ZCCHC7: variants seen among roughly 807,000 people sequenced by gnomAD.
ZCCHC7 encodes the protein zinc finger CCHC domain-containing protein 7.
In ZCCHC7, 35 loss-of-function variants were observed where a neutral mutation model predicts 52.0. The ratio of observed to expected loss-of-function variants is 0.67; its 90% CI spans 0.51 to 0.89. The LOEUF (loss-of-function observed/expected upper bound fraction) is 0.89, where lower values mean the gene tolerates loss of function less well. Ranked by LOEUF, ZCCHC7 falls within the 40% of genes least tolerant of loss-of-function variation. The pLI is 0.00. For missense variants in ZCCHC7, 574 were observed against 649.1 expected, an observed-to-expected ratio of 0.88 and a Z score of 1.26; for synonymous variants, 217 against 221.5, an observed-to-expected ratio of 0.98 and a Z score of 0.18.
chr9:37,291,340 T>TG (rs1554725030), intron 2 of ZCCHC7, among the ~76,000 whole-genome samples: 7 of 151,830 alleles, frequency 4.6e-5, no homozygotes, highest in African/African-American at 1.7e-4. Context: ...CAAGAACTGA[T>TG]AAGTGAATGA....
At chr9:37,227,462 A>G (rs1825172077) in intron 2 of ZCCHC7, among the ~76,000 whole-genome samples, 1 of 152,220 alleles carries the variant, frequency 6.6e-6, no homozygotes, top group Non-Finnish European at 1.5e-5. Flanking sequence ...CATTTCAAAT[A>G]TATGGAGAAT....
At chr9:37,336,941 T>G (rs1830693209) in intron 6 of ZCCHC7, among the ~76,000 whole-genome samples, 1 of 152,078 alleles carries the variant, frequency 6.6e-6, no homozygotes, top group African/African-American at 2.4e-5. Context: ...GTCCAAACAG[T>G]GGTAAGATAC....
At chr9:37,344,472 A>G (rs55746776) in intron 6 of ZCCHC7, among the ~76,000 whole-genome samples, 6,939 of 152,014 alleles carry the variant, frequency 0.046, 505 homozygotes, top group African/African-American at 0.15. Flanking sequence ...TCCACTTCCA[A>G]ATTTACAGGT....
intron 2 of ZCCHC7, among the ~76,000 whole-genome samples, chr9:37,246,100 GCAAGAT>G (rs1826069375): frequency 6.6e-6 from 1 of 152,102 alleles, no homozygotes; most frequent in Non-Finnish European, 1.5e-5. Context: ...GCAGATGATG[GCAAGAT>G]CAAACTTAAA....
chr9:37,148,202 T>C (rs1368946172), intron 2 of ZCCHC7, among the ~76,000 whole-genome samples: 1 of 152,118 alleles, frequency 6.6e-6, no homozygotes. Flanking sequence ...TATGTATTCA[T>C]TTAGCCAACA....
intron 6 of ZCCHC7, among the ~76,000 whole-genome samples, chr9:37,334,643 T>C (rs1308209112): frequency 1.3e-5 from 2 of 152,018 alleles, no homozygotes; most frequent in Non-Finnish European, 2.9e-5. Context: ...TTGATCCCTA[T>C]ATATCAGAAA....
chr9:37,163,385 CAAAAAAAA>C (rs1022187626), intron 2 of ZCCHC7, among the ~76,000 whole-genome samples: 2 of 77,172 alleles, frequency 2.6e-5, no homozygotes, highest in African/African-American at 4.4e-5. Flanking sequence ...GACTCCATCT[CAAAAAAAA>C]AAAAAAAAAA....
chr9:37,124,879 GTCTGC>G (rs1266180513), intron 1 of ZCCHC7, among the ~76,000 whole-genome samples: 3 of 152,124 alleles, frequency 2.0e-5, no homozygotes, highest in Admixed American at 1.3e-4. Flanking sequence ...TTTTTAGACA[GTCTGC>G]TCTGTTGCCC....
chr9:37,338,615 A>C (rs1830791898), intron 6 of ZCCHC7, among the ~76,000 whole-genome samples: 1 of 152,198 alleles, frequency 6.6e-6, no homozygotes, highest in African/African-American at 2.4e-5. Context: ...TCTGCAGTTC[A>C]AATGAACACT....
intron 5 of ZCCHC7, among the ~76,000 whole-genome samples, chr9:37,321,239 C>T (rs1443880173): frequency 6.6e-6 from 1 of 152,088 alleles, no homozygotes; most frequent in East Asian, 1.9e-4. Context: ...CCACCCACCT[C>T]GGCCTCCCAA....
intron 2 of ZCCHC7, among the ~76,000 whole-genome samples, chr9:37,250,198 C>G (rs932638352): frequency 2.2e-4 from 33 of 152,222 alleles, no homozygotes; most frequent in African/African-American, 6.3e-4. Context: ...TATGTGGCCT[C>G]TCTCCTGGGA....
At chr9:37,179,249 G>A (rs936983445) in intron 2 of ZCCHC7, among the ~76,000 whole-genome samples, 5 of 151,928 alleles carry the variant, frequency 3.3e-5, no homozygotes, top group African/African-American at 1.2e-4. Context: ...AAATATGATC[G>A]ATTTATAAGT....
At chr9:37,172,406 T>G (rs759107144) in intron 2 of ZCCHC7, among the ~76,000 whole-genome samples, 9 of 152,200 alleles carry the variant, frequency 5.9e-5, no homozygotes, top group Non-Finnish European at 1.3e-4. Context: ...AACATTCACT[T>G]TCCCCCCATT....
chr9:37,193,558 GC>G (rs1303741286), intron 2 of ZCCHC7, among the ~76,000 whole-genome samples: 1 of 151,618 alleles, frequency 6.6e-6, no homozygotes, highest in Non-Finnish European at 1.5e-5. Context: ...GATGTAAGTT[GC>G]CTGCCACTGT....
chr9:37,310,036 G>A (rs547133251), intron 5 of ZCCHC7, among the ~76,000 whole-genome samples: 146 of 152,168 alleles, frequency 9.6e-4, no homozygotes, highest in African/African-American at 3.4e-3. Context: ...AAGAGAATTT[G>A]TAGTGAAAAC....
rs1019241851 is a variant in ZCCHC7 at position 37,318,773 on chromosome 9, C to T, written c.952-9026C>T. 2.0e-5 allele frequency among the ~76,000 whole-genome samples: 3 copies of T among 151,274 alleles called. No homozygotes were observed. In the East Asian group the frequency reaches 5.9e-4, roughly 30 times the overall value. On this transcript the variant is annotated intron_variant, in intron 5 of 8. Transcript: ENST00000336755. ...CCTAAAAATACAAAAATTAGCCAGG[C>T]GTGGCAGCGCACACCTATAATCCCT...
chr9:37,134,385 A>G (rs1842916537), intron 2 of ZCCHC7, among the ~76,000 whole-genome samples: 1 of 152,218 alleles, frequency 6.6e-6, no homozygotes, highest in Admixed American at 6.5e-5. Flanking sequence ...AGTTAGATCT[A>G]GAAGCTTGAT....
At chr9:37,180,992 C>T (rs577418670) in intron 2 of ZCCHC7, among the ~76,000 whole-genome samples, 7 of 152,084 alleles carry the variant, frequency 4.6e-5, no homozygotes, top group African/African-American at 1.7e-4. Flanking sequence ...AAGTTTTTGC[C>T]ATAGTGCTTA....
chr9:37,322,583 A>G (rs1214752796), intron 5 of ZCCHC7, among the ~76,000 whole-genome samples: 1 of 127,380 alleles, frequency 7.9e-6, no homozygotes, highest in Non-Finnish European at 1.7e-5. Context: ...CATCAGGATT[A>G]TCTGATCCAG....
Sources: gnomAD v4.1 joint callset for allele counts (sites outside exome capture counted in the v4.1 genomes callset) on GRCh38, gnomAD v4.1.1 for gene constraint, MANE v1.5 for transcripts, NCBI Gene and HGNC (gene_info 2026-07-23, HGNC 2026-07-21) for gene names.